RALYL: variants seen among roughly 807,000 people sequenced by gnomAD.
The protein encoded by RALYL is RALY RNA binding protein like.
In RALYL, 29 loss-of-function variants were observed where a neutral mutation model predicts 35.1. That is an observed-to-expected ratio of 0.83 (90% CI 0.61 to 1.13). The LOEUF (loss-of-function observed/expected upper bound fraction) is 1.13. Ranked by LOEUF, RALYL falls within the 50% of genes most tolerant of loss-of-function variation. The pLI, the probability that RALYL is intolerant of heterozygous loss-of-function variation, is 0.00. For synonymous variants in RALYL, 120 were observed against 127.6 expected (o/e 0.94, Z 0.40); for missense variants, 359 against 360.4 (o/e 1.00, Z 0.03).
chr8:84,522,458 C>T (rs1274261270), intron 1 of RALYL, among the ~76,000 whole-genome samples: 2 of 151,680 alleles, frequency 1.3e-5, no homozygotes, highest in African/African-American at 4.8e-5. Flanking sequence ...ACCGTTTTAG[C>T]CGGGATAGTC....
chr8:84,364,117 A>G (rs1017291425), intron 1 of RALYL, among the ~76,000 whole-genome samples: 2 of 152,154 alleles, frequency 1.3e-5, no homozygotes, highest in Admixed American at 6.5e-5. Context: ...TGTTAGACCA[A>G]AAAAGATGGT....
intron 1 of RALYL, among the ~76,000 whole-genome samples, chr8:84,451,291 G>A (rs191876345): frequency 9.9e-5 from 15 of 151,668 alleles, no homozygotes; most frequent in Admixed American, 4.6e-4. Context: ...TTTTAGTTCC[G>A]TATCCCCACT....
chr8:84,863,905 G>GT (rs1402954096), intron 6 of RALYL, among the ~76,000 whole-genome samples: 1 of 152,168 alleles, frequency 6.6e-6, no homozygotes, highest in Non-Finnish European at 1.5e-5. Flanking sequence ...AAGAAAAGGA[G>GT]TTTCTGCAAC....
chr8:84,305,538 T>C (rs1011454788), intron 1 of RALYL, among the ~76,000 whole-genome samples: 9 of 152,208 alleles, frequency 5.9e-5, no homozygotes, highest in Admixed American at 5.9e-4. Flanking sequence ...ATGAAACAAA[T>C]GAAGAAAAAG....
At chr8:84,385,328 C>T (rs1050264009) in intron 1 of RALYL, among the ~76,000 whole-genome samples, 3 of 151,670 alleles carry the variant, frequency 2.0e-5, no homozygotes, top group Non-Finnish European at 4.4e-5. Flanking sequence ...AGTTTTAGAG[C>T]AACCCAAATT....
At chr8:84,911,592 T>G (rs1033060840) in intron 8 of RALYL, among the ~76,000 whole-genome samples, 1 of 152,116 alleles carries the variant, frequency 6.6e-6, no homozygotes, top group South Asian at 2.1e-4. Flanking sequence ...GGGTGTCCTA[T>G]AGTTGATTCA....
intron 2 of RALYL, among the ~76,000 whole-genome samples, chr8:84,612,624 T>C (rs1362682695): frequency 1.3e-5 from 2 of 151,524 alleles, no homozygotes; most frequent in African/African-American, 2.4e-5. Flanking sequence ...AATACGATTC[T>C]TTTATGTGAG....
chr8:84,442,084 C>A (rs1290213902), intron 1 of RALYL, among the ~76,000 whole-genome samples: 2 of 152,134 alleles, frequency 1.3e-5, no homozygotes, highest in Middle Eastern at 3.4e-3. Flanking sequence ...GGAGCACCAA[C>A]AAAGGCAAAA....
chr8:84,476,852 G>A (rs929965531), intron 1 of RALYL, among the ~76,000 whole-genome samples: 1 of 152,188 alleles, frequency 6.6e-6, no homozygotes, highest in South Asian at 2.1e-4. Flanking sequence ...GTTTGAAGAA[G>A]TCCAGGAGCT....
At position 84,190,485 on chromosome 8, in the gene RALYL, A is replaced by C. The variant is rs537071952; in HGVS notation, c.-24+6061A>C. Among the ~76,000 whole-genome samples, 11 of 152,350 alleles carry C rather than the reference A, an allele frequency of 7.2e-5. No individual in the cohort carries two copies. The South Asian group carries it at 1.9e-3, about 26-fold the overall frequency. On this transcript the variant is annotated intron_variant, in intron 1 of 8. Transcript: ENST00000521268. ...GGAAACAGTGTGAATGCACATGATG[A>C]GATGGATTTTTAAAGACTTGGTCAT...
chr8:84,751,382 A>G (rs1255730895), intron 2 of RALYL, among the ~76,000 whole-genome samples: 1 of 151,946 alleles, frequency 6.6e-6, no homozygotes, highest in Non-Finnish European at 1.5e-5. Flanking sequence ...TAATTTTTGC[A>G]TTTTTAGTAG....
intron 2 of RALYL, among the ~76,000 whole-genome samples, chr8:84,686,980 G>T (rs1474759253): frequency 6.6e-6 from 1 of 152,038 alleles, no homozygotes; most frequent in African/African-American, 2.4e-5. Context: ...ATTACAAATA[G>T]TCTTTCCATG....
chr8:84,818,949 A>G (rs1827925185), intron 4 of RALYL, among the ~76,000 whole-genome samples: 2 of 152,150 alleles, frequency 1.3e-5, no homozygotes, highest in Non-Finnish European at 2.9e-5. Flanking sequence ...TAGTGTTGAA[A>G]CTAAGGGAAG....
At chr8:84,210,230 A>G (rs1204868204) in intron 1 of RALYL, among the ~76,000 whole-genome samples, 1 of 151,964 alleles carries the variant, frequency 6.6e-6, no homozygotes, top group Non-Finnish European at 1.5e-5. Flanking sequence ...GTGTATGTGT[A>G]TATATATATG....
intron 1 of RALYL, among the ~76,000 whole-genome samples, chr8:84,433,815 G>A (rs1004088541): frequency 1.0e-3 from 63 of 61,534 alleles, no homozygotes; most frequent in African/African-American, 2.5e-3. Flanking sequence ...GTATGTGTGC[G>A]TGTGTGTGTG....
intron 2 of RALYL, among the ~76,000 whole-genome samples, chr8:84,708,500 T>C (rs1841599334): frequency 6.6e-6 from 1 of 152,146 alleles, no homozygotes; most frequent in African/African-American, 2.4e-5. Flanking sequence ...TTTTGAGTGG[T>C]ATTAAAAAAT....
At chr8:84,667,535 AATG>A (rs1832329991) in intron 2 of RALYL, among the ~76,000 whole-genome samples, 1 of 152,124 alleles carries the variant, frequency 6.6e-6, no homozygotes, top group South Asian at 2.1e-4. Context: ...CAGTTTTCAA[AATG>A]ATGAGTTGGT....
intron 2 of RALYL, among the ~76,000 whole-genome samples, chr8:84,682,188 G>A (rs1466950594): frequency 1.3e-5 from 2 of 152,128 alleles, no homozygotes; most frequent in Non-Finnish European, 2.9e-5. Flanking sequence ...CAGGGATGAA[G>A]CCCACTTGAT....
At chr8:84,784,632 T>G (rs1022824512) in intron 3 of RALYL, among the ~76,000 whole-genome samples, 41 of 152,234 alleles carry the variant, frequency 2.7e-4, no homozygotes, top group African/African-American at 8.4e-4. Context: ...AAGTGTTGGT[T>G]GGTTTTAATT....
Sources: gnomAD v4.1 joint callset for allele counts (sites outside exome capture counted in the v4.1 genomes callset) on GRCh38, gnomAD v4.1.1 for gene constraint, MANE v1.5 for transcripts, NCBI Gene and HGNC (gene_info 2026-07-23, HGNC 2026-07-21) for gene names.